Variants in EDIL3 observed in about 807,000 individuals in gnomAD.
EDIL3 encodes the protein EGF like and discoidin domains 3.
EDIL3 carries 37 observed loss-of-function variants against 67.4 expected under a neutral mutation model. That is an observed-to-expected ratio of 0.55 (90% CI 0.42 to 0.72). EDIL3 has a LOEUF of 0.72. EDIL3 is among the 30% of genes least tolerant of loss of function. The pLI is 0.00. For synonymous variants in EDIL3, 195 were observed against 196.3 expected (o/e 0.99, Z 0.05); for missense variants, 527 against 586.3 (o/e 0.90, Z 1.04).
At chr5:84,107,757 T>A (rs1296365114) in intron 5 of EDIL3, among the ~76,000 whole-genome samples, 1 of 150,020 alleles carries the variant, frequency 6.7e-6, no homozygotes, top group African/African-American at 2.4e-5. Flanking sequence ...TATATTTGTA[T>A]TATATATAAA....
At chr5:84,082,391 A>C (rs1746986679) in intron 6 of EDIL3, among the ~76,000 whole-genome samples, 1 of 152,224 alleles carries the variant, frequency 6.6e-6, no homozygotes, top group Non-Finnish European at 1.5e-5. Context: ...GAAGTCTACA[A>C]AGCAAACATA....
intron 10 of EDIL3, among the ~76,000 whole-genome samples, chr5:83,959,545 ATGTTTTGCCCTG>A (rs1210198866): frequency 4.0e-5 from 6 of 151,032 alleles, no homozygotes; most frequent in African/African-American, 1.2e-4. Context: ...TCACAGACAC[ATGTTTTGCCCTG>A]AAACATTCAA....
intron 1 of EDIL3, among the ~76,000 whole-genome samples, chr5:84,266,535 C>T (rs1745352135): frequency 6.6e-6 from 1 of 152,128 alleles, no homozygotes. Flanking sequence ...TACAGGGCTT[C>T]AAGTTATATA....
chr5:84,208,482 A>G (rs1744035442), intron 3 of EDIL3, among the ~76,000 whole-genome samples: 1 of 151,580 alleles, frequency 6.6e-6, no homozygotes, highest in East Asian at 2.0e-4. Context: ...GATCGAGACC[A>G]TCCTGGCTAA....
chr5:83,946,369 T>A (rs2112112195), intron 10 of EDIL3, among the ~76,000 whole-genome samples: 1 of 152,072 alleles, frequency 6.6e-6, no homozygotes, highest in African/African-American at 2.4e-5. Flanking sequence ...AGGCTTTTTC[T>A]AACATATGGG....
intron 1 of EDIL3, among the ~76,000 whole-genome samples, chr5:84,260,178 T>G (rs926234709): frequency 6.6e-6 from 1 of 152,060 alleles, no homozygotes; most frequent in African/African-American, 2.4e-5. Context: ...ATAAAAGCCA[T>G]GAGAGGAGGG....
At chr5:84,361,013 A>C (rs1450684607) in intron 1 of EDIL3, among the ~76,000 whole-genome samples, 1 of 152,120 alleles carries the variant, frequency 6.6e-6, no homozygotes, top group East Asian at 1.9e-4. Context: ...TGTGCTAAAA[A>C]GATGCTAGCA....
chr5:84,336,267 T>C (rs1746983459), intron 1 of EDIL3, among the ~76,000 whole-genome samples: 1 of 152,194 alleles, frequency 6.6e-6, no homozygotes, highest in Non-Finnish European at 1.5e-5. Flanking sequence ...AGTCTACATG[T>C]AGTTGAAGAA....
At chr5:84,179,360 G>A (rs1027613244) in intron 4 of EDIL3, among the ~76,000 whole-genome samples, 5 of 152,124 alleles carry the variant, frequency 3.3e-5, no homozygotes, top group African/African-American at 1.2e-4. Flanking sequence ...AGCTTTTAGG[G>A]ACAATTCCAA....
At chr5:84,271,831 G>A (rs1017663379) in intron 1 of EDIL3, among the ~76,000 whole-genome samples, 6 of 152,052 alleles carry the variant, frequency 3.9e-5, no homozygotes, top group African/African-American at 7.2e-5. Flanking sequence ...AAACTCCTCA[G>A]GCAGGATGGC....
chr5:84,151,092 G>C (rs569052996), intron 4 of EDIL3, among the ~76,000 whole-genome samples: 1 of 152,204 alleles, frequency 6.6e-6, no homozygotes, highest in East Asian at 1.9e-4. Context: ...TCTTGAGTAA[G>C]ATGATGGATT....
At chr5:84,354,594 T>C (rs1376705518) in intron 1 of EDIL3, among the ~76,000 whole-genome samples, 1 of 150,950 alleles carries the variant, frequency 6.6e-6, no homozygotes, top group Non-Finnish European at 1.5e-5. Context: ...GAGGAGGAGG[T>C]TGCATTGAGC....
intron 1 of EDIL3, among the ~76,000 whole-genome samples, chr5:84,372,311 T>C (rs897822524): frequency 2.6e-5 from 4 of 152,118 alleles, no homozygotes; most frequent in Admixed American, 6.6e-5. Flanking sequence ...ATTTGAAACA[T>C]GTAAACTTGA....
chr5:83,942,077 A>G lies in EDIL3; in HGVS notation c.*1342T>C, dbSNP rs1336313089. 2 of 152,086 alleles carry G rather than the reference A, an allele frequency of 1.3e-5. No homozygotes were observed. Among genetic ancestry groups the G allele is most frequent in the Admixed American group, 6.6e-5 (1 of 15,254 alleles). 9.4% of individuals were successfully genotyped at this position (152,086 alleles called of 1,614,324 possible). ...ACTCCAATAATTCTGTCTAAGCCTTATAAAATAAATACTTGTAAAGCTTAT... is the reference window on the plus strand; with the variant it reads ...ACTCCAATAATTCTGTCTAAGCCTTGTAAAATAAATACTTGTAAAGCTTAT... On this transcript the variant is annotated 3_prime_UTR_variant, in exon 11 of 11. Coordinates refer to ENST00000296591, the MANE Select transcript of EDIL3 (RefSeq NM_005711.5).
At chr5:83,958,780 C>G (rs753303742) in intron 10 of EDIL3, among the ~76,000 whole-genome samples, 93 of 151,404 alleles carry the variant, frequency 6.1e-4, no homozygotes, top group Non-Finnish European at 1.2e-3. Context: ...TTGCAGTTTT[C>G]CTGCTAAATG....
intron 4 of EDIL3, among the ~76,000 whole-genome samples, chr5:84,159,103 C>T (rs1029569595): frequency 6.6e-6 from 1 of 152,136 alleles, no homozygotes; most frequent in East Asian, 1.9e-4. Flanking sequence ...CAAGTGGAAA[C>T]GTTTTAGCCA....
At chr5:84,118,409 A>G (rs1331092900) in intron 5 of EDIL3, among the ~76,000 whole-genome samples, 1 of 152,228 alleles carries the variant, frequency 6.6e-6, no homozygotes, top group African/African-American at 2.4e-5. Context: ...ACTTCATCAG[A>G]TCATACAATT....
At chr5:83,969,155 T>C (rs1030695906) in intron 9 of EDIL3, among the ~76,000 whole-genome samples, 2 of 151,788 alleles carry the variant, frequency 1.3e-5, no homozygotes, top group African/African-American at 2.4e-5. Context: ...AAAATATTTT[T>C]ATATTGTCTA....
At chr5:84,198,287 G>A (rs1743757112) in intron 3 of EDIL3, among the ~76,000 whole-genome samples, 1 of 151,976 alleles carries the variant, frequency 6.6e-6, no homozygotes, top group East Asian at 1.9e-4. Flanking sequence ...TAGTGCTTCT[G>A]ATGATAGAAT....
Sources: gnomAD v4.1 joint callset for allele counts (sites outside exome capture counted in the v4.1 genomes callset) on GRCh38, gnomAD v4.1.1 for gene constraint, MANE v1.5 for transcripts, NCBI Gene and HGNC (gene_info 2026-07-23, HGNC 2026-07-21) for gene names.